The following TTC34 variants were observed in gnomAD, a reference collection of about 807,000 sequenced individuals.
TTC34 encodes tetratricopeptide repeat protein 34.
A neutral mutation model predicts 40.7 loss-of-function variants in TTC34; 44 were observed. That is an observed-to-expected ratio of 1.08 (90% confidence interval 0.85 to 1.39). TTC34 has a LOEUF of 1.39. TTC34 is among the 40% of genes most tolerant of loss of function. The pLI, the probability that TTC34 is intolerant of heterozygous loss-of-function variation, is 0.00. For synonymous variants in TTC34, 422 were observed against 398.6 expected, an observed-to-expected ratio of 1.06 and a Z score of -0.70; for missense variants, 884 against 838.0, an observed-to-expected ratio of 1.05 and a Z score of -0.68.
Position 2,752,862 on chromosome 1 carries a change from C to T in TTC34, c.2226+30747G>A, listed in dbSNP as rs1354524103. Among the ~76,000 whole-genome samples the T allele has an allele frequency of 4.5e-3, 315 of 69,740 alleles. 1 individual carries two copies. The highest frequency in any genetic ancestry group is 9.3e-3 in the Middle Eastern group (1 of 108). The allele number at this position is 69,740 out of a possible 152,430, so 45.8% of individuals were successfully genotyped here. ...CTGGAACAGCACCCACACACCCAGGCGAGCATCTGATGGCCTGGAACGGCA... is the reference window on the plus strand; with the variant it reads ...CTGGAACAGCACCCACACACCCAGGTGAGCATCTGATGGCCTGGAACGGCA... On this transcript the variant is annotated intron_variant, in intron 6 of 8. Coordinates refer to ENST00000401095, the Ensembl canonical transcript of TTC34.
chr1:2,750,630 G>C (rs1641286635), intron 6 of TTC34, among the ~76,000 whole-genome samples: 1 of 151,584 alleles, frequency 6.6e-6, no homozygotes, highest in African/African-American at 2.4e-5. Context: ...CTGACAGCCT[G>C]GAGCAGCACC....
chr1:2,644,404 G>C, exon 8 of TTC34: 1 of 1,536,020 alleles, frequency 6.5e-7, no homozygotes, highest in African/African-American at 1.4e-5. Flanking sequence ...AGGCCCAGCC[G>C]GGCCCGGGCT....
chr1:2,785,032 T>C (rs540463839), intron 5 of TTC34, among the ~76,000 whole-genome samples: 39 of 99,688 alleles, frequency 3.9e-4, no homozygotes, highest in African/African-American at 1.6e-3. Flanking sequence ...CATGCCTTCC[T>C]GCCGACGTGT....
intron 6 of TTC34, among the ~76,000 whole-genome samples, chr1:2,781,677 T>C (rs192191436): frequency 1.7e-4 from 26 of 152,326 alleles, no homozygotes; most frequent in Non-Finnish European, 3.5e-4. Flanking sequence ...ATGGATTTTA[T>C]ATTGAGGCAG....
At chr1:2,684,370 C>T (rs1237145223) in intron 6 of TTC34, among the ~76,000 whole-genome samples, 1 of 152,050 alleles carries the variant, frequency 6.6e-6, no homozygotes, top group African/African-American at 2.4e-5. Context: ...AGGTGAGCAT[C>T]TGACAGCCTG....
At chr1:2,751,658 G>C (rs1641324599) in intron 6 of TTC34, among the ~76,000 whole-genome samples, 8 of 142,148 alleles carry the variant, frequency 5.6e-5, no homozygotes, top group East Asian at 2.2e-4. Flanking sequence ...CCCCAGTTGA[G>C]CATTGGACAG....
At chr1:2,752,971 A>G (rs1165425397) in intron 6 of TTC34, among the ~76,000 whole-genome samples, 60 of 135,868 alleles carry the variant, frequency 4.4e-4, no homozygotes, top group Middle Eastern at 4.2e-3. Flanking sequence ...AGCAACACCC[A>G]TACCCCCAGG....
At chr1:2,800,450 G>A (rs1011128789) in exon 2 of TTC34, 22 of 398,386 alleles carry the variant, frequency 5.5e-5, no homozygotes, top group Non-Finnish European at 8.9e-5. Flanking sequence ...CCAGCAGGGC[G>A]CTGCAGCGTT....
intron 6 of TTC34, among the ~76,000 whole-genome samples, chr1:2,652,072 GA>G (rs1639155556): frequency 2.9e-4 from 6 of 20,422 alleles, no homozygotes; most frequent in South Asian, 2.5e-3. Context: ...CAGCCTGGAG[GA>G]GCACCCACAC....
At position 2,788,050 on chromosome 1, in the gene TTC34, C is replaced by T. The variant is rs955337678; in HGVS notation, c.1629-344G>A. Among the ~76,000 whole-genome samples, 22 of 152,306 alleles carry T rather than the reference C, an allele frequency of 1.4e-4. 1 individual carries two copies. In the Middle Eastern group the frequency reaches 0.014, roughly 94 times the overall value. On this transcript the variant is annotated intron_variant, in intron 3 of 8. Coordinates refer to ENST00000401095, the Ensembl canonical transcript of TTC34. ...CTGGGCTCAGGGGTGTGCCTATAGG[C>T]AGAACAAGAAAACACATGGCTGCAC...
At chr1:2,768,447 A>G (rs1007665851) in intron 6 of TTC34, among the ~76,000 whole-genome samples, 1 of 151,450 alleles carries the variant, frequency 6.6e-6, no homozygotes, top group Non-Finnish European at 1.5e-5. Context: ...AGCCTGGAAC[A>G]GAACCCCACA....
At chr1:2,768,074 G>T (rs1052731096) in intron 6 of TTC34, among the ~76,000 whole-genome samples, 37 of 151,476 alleles carry the variant, frequency 2.4e-4, no homozygotes, top group South Asian at 6.4e-4. Context: ...AGCCAGGAAC[G>T]GCAACCCACA....
rs916596617 is a variant in TTC34 at position 2,775,756 on chromosome 1, G to T, written c.2226+7853C>A. 14 of 146,392 alleles carry T rather than the reference G, an allele frequency of 9.6e-5. 2 individuals carry two copies. Among genetic ancestry groups the T allele is most frequent in the African/African-American group, 3.3e-4 (12 of 36,664 alleles). The allele number at this position is 146,392 out of a possible 1,614,324, so 9.1% of individuals were successfully genotyped here. On this transcript the variant is annotated intron_variant, in intron 6 of 8. Transcript: ENST00000401095. ...GCCTAGAGCGGCACCTGCACACTTAGGTAAGAATCTGAAAGCCTGGATCAA... is the reference window on the plus strand; with the variant it reads ...GCCTAGAGCGGCACCTGCACACTTATGTAAGAATCTGAAAGCCTGGATCAA...
Position 2,645,974 on chromosome 1 carries a change from G to T in TTC34, c.2227-411C>A, listed in dbSNP as rs1009679898. Among the ~76,000 whole-genome samples the T allele has an allele frequency of 6.6e-6, 1 of 152,070 alleles. No individual in the cohort carries two copies. The highest frequency in any genetic ancestry group is 1.5e-5 in the Non-Finnish European group (1 of 68,016). On this transcript the variant is annotated intron_variant, in intron 6 of 8. Coordinates refer to ENST00000401095, the Ensembl canonical transcript of TTC34. The surrounding 1 kb of genome is among the most constrained non-coding windows in gnomAD (Gnocchi z 4.7). ...GGGCATCTGTCACCTCACAGTGGGG[G>T]ACGCTGGAGCTCCTTGGGTATCCGG...
intron 6 of TTC34, among the ~76,000 whole-genome samples, chr1:2,685,917 C>T (rs1640317404): frequency 2.8e-5 from 4 of 144,288 alleles, no homozygotes; most frequent in South Asian, 2.2e-4. Flanking sequence ...ACAGCACGCA[C>T]ACCCCCAGGT....
chr1:2,753,078 T>G (rs1641378626), intron 6 of TTC34, among the ~76,000 whole-genome samples: 1 of 149,838 alleles, frequency 6.7e-6, no homozygotes, highest in African/African-American at 2.5e-5. Flanking sequence ...TCTGACAGCC[T>G]GGAACGGCAA....
chr1:2,687,887 C>G, intron 6 of TTC34, among the ~76,000 whole-genome samples: 1 of 137,752 alleles, frequency 7.3e-6, no homozygotes, highest in African/African-American at 2.9e-5. Context: ...GAACCCACAT[C>G]CCCAGGTGAG....
chr1:2,796,119 G>A lies in TTC34; in HGVS notation c.784+3925C>T, dbSNP rs777976912. Among the ~76,000 whole-genome samples the A allele has an allele frequency of 6.6e-6, 1 of 152,178 alleles. No homozygotes were observed. ...ATGCAGCATTCAAGGCGCCATCTTG[G>A]AATCCGAATCCCCAAGCCTGTTGGG... On this transcript the variant is annotated intron_variant, in intron 2 of 8. Transcript: ENST00000401095. This position sits in a 1 kb window ranked among gnomAD's most constrained non-coding sequence, Gnocchi z 4.5.
intron 6 of TTC34, among the ~76,000 whole-genome samples, chr1:2,662,755 A>AG (rs1639597774): frequency 6.2e-5 from 3 of 48,096 alleles, no homozygotes; most frequent in African/African-American, 2.2e-4. Context: ...AGCAGCAACC[A>AG]CACGCACAGG....
Sources: allele counts gnomAD v4.1 joint callset (sites outside exome capture counted in the v4.1 genomes callset), GRCh38; gene constraint gnomAD v4.1.1; non-coding constraint Gnocchi (gnomAD v3.1); transcripts MANE v1.5; gene names NCBI Gene and HGNC (gene_info 2026-07-23, HGNC 2026-07-21).